The following KEL variants were observed in gnomAD, a reference collection of about 807,000 sequenced individuals.
KEL encodes the protein Kell metallo-endopeptidase (Kell blood group), also known as kell blood group glycoprotein.
Under a neutral mutation model 99.5 loss-of-function variants are expected in KEL, and 96 were observed. The observed-to-expected ratio is 0.97, with a 90% CI of 0.82 to 1.14. The LOEUF is 1.14. Ranked by LOEUF, KEL falls within the 50% of genes most tolerant of loss-of-function variation. The pLI is 0.00. For missense variants in KEL, 926 were observed against 924.2 expected, an observed-to-expected ratio of 1.00 and a Z score of -0.03; for synonymous variants, 355 against 354.8, an observed-to-expected ratio of 1.00 and a Z score of -0.01.
At chr7:142,956,375 C>A (rs1463553222) in intron 6 of KEL, among the ~76,000 whole-genome samples, 2 of 152,104 alleles carry the variant, frequency 1.3e-5, no homozygotes, top group African/African-American at 4.8e-5. Context: ...TGACTCTACG[C>A]ACAACCATCA....
At chr7:142,950,148 G>A (rs758612220) in intron 10 of KEL, among the ~76,000 whole-genome samples, 1 of 152,096 alleles carries the variant, frequency 6.6e-6, no homozygotes, top group African/African-American at 2.4e-5. Context: ...TCATCATCAG[G>A]ACATCCCATT....
chr7:142,951,729 C>G (rs1157811759), intron 10 of KEL, among the ~76,000 whole-genome samples: 1 of 152,164 alleles, frequency 6.6e-6, no homozygotes, highest in Non-Finnish European at 1.5e-5. Context: ...TTTATCTTCT[C>G]TGAATTCCAC....
Position 142,954,474 on chromosome 7 carries a change from G to T in KEL, c.726C>A (p.Ile242=), listed in dbSNP as rs141744324. 120 of 1,614,054 alleles carry T rather than the reference G, an allele frequency of 7.4e-5. No homozygotes were observed. The South Asian group carries it at 1.2e-3, about 17-fold the overall frequency. ...CCATGTGCCATCTTACCTGGGCATA[G>T]ATCTTCTGTTCTTGATCTTGCTTGA... ...VPLKQDQEQK[I]YAQIFREYLT... The change falls in exon 7 of 19, where the codon ATC becomes ATA. Residue 242 remains isoleucine (I), a synonymous_variant. Transcript: ENST00000355265.
chr7:142,952,654 A>G lies in KEL; in HGVS notation c.1074-16T>C, dbSNP rs1009877531. On this transcript the variant is annotated splice_polypyrimidine_tract_variant and intron_variant, in intron 9 of 18. Coordinates refer to ENST00000355265, the MANE Select transcript of KEL (RefSeq NM_000420.3). ...CAGAAAGTCCCTATGGAGACAAAAG[A>G]GACCCACACATATACCCCAGGAATC... 11 of 1,613,788 alleles carry G rather than the reference A, an allele frequency of 6.8e-6. No individual in the cohort carries two copies. The highest frequency in any genetic ancestry group is 4.5e-5 in the East Asian group (2 of 44,862).
At chr7:142,944,025 G>A (rs1156844774) in intron 13 of KEL, 142 bp from the exon 14 acceptor site, 4 of 741,936 alleles carry the variant, frequency 5.4e-6, no homozygotes, top group Non-Finnish European at 9.7e-6. Context: ...CAGCCCAATG[G>A]CATCACTACA....
chr7:142,958,084 C>T (rs984017687), intron 5 of KEL, 111 bp from the exon 6 acceptor site: 20 of 1,412,294 alleles, frequency 1.4e-5, no homozygotes, highest in African/African-American at 8.6e-5. Flanking sequence ...CTGCGCCCTT[C>T]GATTCCTCTA....
At chr7:142,946,353 C>T (rs542192176) in intron 10 of KEL, 36 bp from the exon 11 acceptor site, 1 of 1,501,328 alleles carries the variant, frequency 6.7e-7, no homozygotes, top group East Asian at 2.3e-5. Flanking sequence ...GGCTCCTGTT[C>T]AGGACTCTTT....
chr7:142,946,265 T>C lies in KEL; in HGVS notation c.1256A>G (p.Glu419Gly). 1 of 1,614,120 alleles carries C rather than the reference T, an allele frequency of 6.2e-7. No homozygotes were observed. Among genetic ancestry groups the C allele is most frequent in the Non-Finnish European group, 8.5e-7 (1 of 1,180,020 alleles). The part of the protein sequence containing the change: ...KCVEETGTFF[E>G]PTLAALFVRE... ...AACAAACAAAGCCGCCAGCGTGGGC[T>C]CGAAGAACGTGCCTGTCTCCTCCAC... The change falls in exon 11 of 19, where the codon GAG becomes GGG. Residue 419 changes from glutamate (E) to glycine (G), a missense_variant. Coordinates refer to ENST00000355265, the MANE Select transcript of KEL (RefSeq NM_000420.3).
rs190890637 is a variant in KEL, at chr7:142,944,665, G to A, written c.1391C>T (p.Thr464Ile). The A allele has an allele frequency of 2.3e-4, 367 of 1,613,960 alleles. No individual in the cohort carries two copies. The highest frequency in any genetic ancestry group is 1.3e-3 in the Middle Eastern group (8 of 6,062). ...GACCTTGTCCTGGGCCATGTTCTGG[G>A]TCTCCTCATTCATCCAGGGAAGGTT... ...LRNLPWMNEE[T>I]QNMAQDKVAQ... The change falls in exon 12 of 19, where the codon ACC becomes ATC. Residue 464 changes from threonine (T) to isoleucine (I), a missense_variant. Transcript: ENST00000355265.
At chr7:142,945,267 C>T (rs1437851968) in intron 11 of KEL, among the ~76,000 whole-genome samples, 1 of 152,206 alleles carries the variant, frequency 6.6e-6, no homozygotes, top group African/African-American at 2.4e-5. Flanking sequence ...TAAATCCTTT[C>T]CTGGAGGAAA....
chr7:142,954,561 G>T, intron 6 of KEL, 34 bp from the exon 7 acceptor site: 2 of 1,604,968 alleles, frequency 1.2e-6, no homozygotes, highest in Non-Finnish European at 8.5e-7. Context: ...GAAGCAGGGA[G>T]CATGGCGGAT....
intron 1 of KEL, 156 bp downstream of exon 1, chr7:142,962,048 G>A (rs1796973141): frequency 6.2e-7 from 1 of 1,609,906 alleles, no homozygotes; most frequent in Admixed American, 1.7e-5. Flanking sequence ...TCCCCTGAAT[G>A]TGCCATTTCT....
chr7:142,954,201 T>C lies in KEL; in HGVS notation c.907A>G (p.Thr303Ala), dbSNP rs373642084. The part of the protein sequence containing the change: ...RAQGKLFQMV[T>A]IDQLKEMAPA... ...CCAGGCACCTTGAGCTGGTCGATAG[T>C]GACCATCTGGAAGAGCTTGCCCTGT... Residue 303 changes from threonine (T) to alanine (A), a missense_variant, in exon 8 of 19, where the codon ACT becomes GCT. Transcript: ENST00000355265. The C allele has an allele frequency of 2.5e-6, 4 of 1,611,102 alleles. No homozygotes were observed. Among genetic ancestry groups the C allele is most frequent in the Non-Finnish European group, 3.4e-6 (4 of 1,179,982 alleles).
At chr7:142,960,882 A>G in intron 4 of KEL, 46 bp downstream of exon 4, 1 of 1,582,704 alleles carries the variant, frequency 6.3e-7, no homozygotes, top group Non-Finnish European at 8.7e-7. Context: ...TTTTAGGCAC[A>G]GAGTCACCCA....
chr7:142,955,960 T>C (rs1246930740), intron 6 of KEL, among the ~76,000 whole-genome samples: 3 of 152,182 alleles, frequency 2.0e-5, no homozygotes, highest in African/African-American at 4.8e-5. Flanking sequence ...AAGCTCCTTT[T>C]CTTTCCTTTG....
chr7:142,943,835 A>G lies in KEL; in HGVS notation c.1540T>C (p.Ser514Pro). The G allele has an allele frequency of 6.2e-7, 1 of 1,614,108 alleles. No individual in the cohort carries two copies. Among genetic ancestry groups the G allele is most frequent in the Non-Finnish European group, 8.5e-7 (1 of 1,180,018 alleles). Residue 514 changes from serine to proline, a missense_variant, in exon 14 of 19, where the codon TCC (serine) becomes CCC (proline). Coordinates refer to ENST00000355265, the MANE Select transcript of KEL (RefSeq NM_000420.3). ...FLQSVLSCVR[S>P]LRARIVQSFL... The stretch of plus-strand genomic sequence containing the variant: ...CTCTGGACAATTCTAGCTCGGAGGG[A>G]CCGGACACAGCTCAGGACAGACTGC...
intron 9 of KEL, 30 bp from the exon 10 acceptor site, chr7:142,952,668 AC>A: frequency 6.2e-7 from 1 of 1,613,142 alleles, no homozygotes; most frequent in Non-Finnish European, 8.5e-7. Context: ...CCACACATAT[AC>A]CCCAGGAATC....
At chr7:142,944,295 A>G (rs8176031) in intron 13 of KEL, 28 bp downstream of exon 13, 149,805 of 1,574,674 alleles carry the variant, frequency 0.095, 18,103 homozygotes, top group African/African-American at 0.61. Flanking sequence ...CAAGGACTGA[A>G]AAGGAGCTGG....
intron 16 of KEL, 77 bp downstream of exon 16, chr7:142,943,199 T>C (rs929692521): frequency 1.3e-6 from 2 of 1,572,760 alleles, no homozygotes; most frequent in Admixed American, 1.8e-5. Flanking sequence ...ATAACCTCCC[T>C]TTCCCCTCCA....
Sources: allele counts gnomAD v4.1 joint callset (sites outside exome capture counted in the v4.1 genomes callset), GRCh38; gene constraint gnomAD v4.1.1; transcripts MANE v1.5; gene names NCBI Gene and HGNC (gene_info 2026-07-23, HGNC 2026-07-21).